The following FBXO4 variants were observed in gnomAD, a reference collection of about 807,000 sequenced individuals.
FBXO4 encodes the protein F-box only protein 4.
In FBXO4, 36 loss-of-function variants were observed where a neutral mutation model predicts 43.7. The observed-to-expected ratio is 0.82, with a 90% CI of 0.63 to 1.09. The LOEUF is 1.09. Ranked by LOEUF, FBXO4 falls within the 50% of genes least tolerant of loss-of-function variation. The pLI is 0.00. For synonymous variants in FBXO4, 180 were observed against 165.6 expected (o/e 1.09, Z -0.67); for missense variants, 435 against 474.1 (o/e 0.92, Z 0.77).
At chr5:41,934,732 A>C in intron 5 of FBXO4, 1 of 1,024,220 alleles carries the variant, frequency 9.8e-7, no homozygotes, top group Non-Finnish European at 1.2e-6. Context: ...AACTATGAAA[A>C]ATTTTATCTT....
At chr5:41,959,727 AT>A in the FBXO4 span, among the ~76,000 whole-genome samples, 1 of 152,064 alleles carries the variant, frequency 6.6e-6, no homozygotes, top group Non-Finnish European at 1.5e-5. Context: ...CAAGGTGTCT[AT>A]TTTTATGCCA....
At chr5:41,974,721 C>T in the FBXO4 span, among the ~76,000 whole-genome samples, 2 of 152,036 alleles carry the variant, frequency 1.3e-5, no homozygotes, top group East Asian at 3.8e-4. Flanking sequence ...TTTTAAATTT[C>T]CTGTCATTTA....
At chr5:41,930,810 A>G (rs968447827) in intron 3 of FBXO4, among the ~76,000 whole-genome samples, 2 of 151,794 alleles carry the variant, frequency 1.3e-5, no homozygotes, top group African/African-American at 4.8e-5. Context: ...GCCCACCACT[A>G]CGCCTGGCTA....
chr5:41,973,593 A>C, the FBXO4 span, among the ~76,000 whole-genome samples: 1 of 152,284 alleles, frequency 6.6e-6, no homozygotes, highest in African/African-American at 2.4e-5. Context: ...AGTGGGGAAG[A>C]TTGCTTGAAC....
At chr5:42,006,887 GAT>G in the FBXO4 span, among the ~76,000 whole-genome samples, 2,162 of 79,062 alleles carry the variant, frequency 0.027, 118 homozygotes, top group Admixed American at 0.11. Context: ...GGTTCATGCT[GAT>G]ATATATATAT....
At chr5:41,934,364 A>C in intron 5 of FBXO4, 56 bp downstream of exon 5, 4 of 1,609,352 alleles carry the variant, frequency 2.5e-6, no homozygotes, top group Non-Finnish European at 2.5e-6. Context: ...GCAAATGGAA[A>C]ATACCTTTTT....
chr5:41,987,422 T>C, the FBXO4 span, among the ~76,000 whole-genome samples: 1 of 152,140 alleles, frequency 6.6e-6, no homozygotes, highest in Non-Finnish European at 1.5e-5. Flanking sequence ...CCTACATATA[T>C]CTATTTTCAG....
At chr5:42,037,620 AAAC>A in the FBXO4 span, among the ~76,000 whole-genome samples, 1 of 152,108 alleles carries the variant, frequency 6.6e-6, no homozygotes, top group Non-Finnish European at 1.5e-5. Flanking sequence ...GCTCTATAGA[AAAC>A]AACCTGAACA....
At chr5:42,032,994 T>C in the FBXO4 span, among the ~76,000 whole-genome samples, 4 of 152,120 alleles carry the variant, frequency 2.6e-5, no homozygotes, top group East Asian at 7.7e-4. Context: ...GGCAGCCAGT[T>C]CCCTTCTGGC....
At chr5:42,031,540 C>T in the FBXO4 span, among the ~76,000 whole-genome samples, 44 of 151,832 alleles carry the variant, frequency 2.9e-4, no homozygotes, top group East Asian at 8.0e-3. Flanking sequence ...AGCACACCAA[C>T]ATGGCACATG....
At chr5:42,019,606 T>G in the FBXO4 span, among the ~76,000 whole-genome samples, 1 of 151,304 alleles carries the variant, frequency 6.6e-6, no homozygotes, top group South Asian at 2.1e-4. Flanking sequence ...CAGAATTGCT[T>G]GAACCCAAGA....
chr5:42,033,781 G>A, the FBXO4 span, among the ~76,000 whole-genome samples: 1 of 152,138 alleles, frequency 6.6e-6, no homozygotes, highest in Non-Finnish European at 1.5e-5. Context: ...GTCTATCATT[G>A]ATGGGCATTT....
At chr5:42,002,155 A>G in the FBXO4 span, among the ~76,000 whole-genome samples, 3 of 152,160 alleles carry the variant, frequency 2.0e-5, no homozygotes, top group African/African-American at 7.2e-5. Flanking sequence ...TGATCATGTC[A>G]TCTGTAAACA....
chr5:41,960,914 A>G, the FBXO4 span, among the ~76,000 whole-genome samples: 3 of 152,054 alleles, frequency 2.0e-5, no homozygotes, highest in Non-Finnish European at 4.4e-5. Flanking sequence ...TGGAGTTCAT[A>G]TATCTTCATT....
the FBXO4 span, among the ~76,000 whole-genome samples, chr5:41,977,679 T>C: frequency 6.6e-6 from 1 of 152,354 alleles, no homozygotes; most frequent in African/African-American, 2.4e-5. Context: ...CCTCAGGTGA[T>C]CTGCCTACCT....
At chr5:41,951,844 T>C in the FBXO4 span, 1 of 223,866 alleles carries the variant, frequency 4.5e-6, no homozygotes, top group Non-Finnish European at 8.9e-6. Context: ...ATGTAACTCC[T>C]GTAAGGCTGC....
At chr5:41,994,675 C>A in the FBXO4 span, among the ~76,000 whole-genome samples, 1 of 152,144 alleles carries the variant, frequency 6.6e-6, no homozygotes, top group Non-Finnish European at 1.5e-5. Context: ...AGATCAATCA[C>A]CCCAGCCAAC....
At chr5:42,029,080 T>G in the FBXO4 span, among the ~76,000 whole-genome samples, 2 of 152,074 alleles carry the variant, frequency 1.3e-5, no homozygotes, top group Admixed American at 1.3e-4. Flanking sequence ...TACATTCCTT[T>G]TCTTTCTTAT....
chr5:41,934,408 CTTATT>C, intron 5 of FBXO4, 100 bp downstream of exon 5: 1 of 1,547,654 alleles, frequency 6.5e-7, no homozygotes, highest in Non-Finnish European at 8.7e-7. Flanking sequence ...AATATGATGG[CTTATT>C]TTATCAATGT....
Sources: gnomAD v4.1 joint callset for allele counts (sites outside exome capture counted in the v4.1 genomes callset) on GRCh38, gnomAD v4.1.1 for gene constraint, MANE v1.5 for transcripts, NCBI Gene and HGNC (gene_info 2026-07-23, HGNC 2026-07-21) for gene names.